Variants in RARB observed in about 807,000 individuals in gnomAD.
RARB encodes HBV-activated protein.
RARB carries 17 observed loss-of-function variants against 51.9 expected under a neutral mutation model. That is an observed-to-expected ratio of 0.33 (90% CI 0.22 to 0.49). RARB has a LOEUF of 0.49. RARB is among the 20% of genes least tolerant of loss of function. The pLI is 0.99. For synonymous variants in RARB, 215 were observed against 195.4 expected (o/e 1.10, Z -0.84); for missense variants, 369 against 550.8 (o/e 0.67, Z 3.30).
chr3:25,285,777 T>A (rs1006392424), intron 5 of RARB, among the ~76,000 whole-genome samples: 23 of 152,212 alleles, frequency 1.5e-4, no homozygotes, highest in African/African-American at 5.5e-4. Context: ...CCAGAGTTGA[T>A]GGCAAAGCCA....
upstream of RARB, among the ~76,000 whole-genome samples, chr3:25,423,543 T>A (rs1707914760): frequency 1.3e-5 from 2 of 152,226 alleles, no homozygotes; most frequent in South Asian, 2.1e-4. Flanking sequence ...AATATACAGA[T>A]CTATGCCAAG....
intron 2 of RARB, among the ~76,000 whole-genome samples, chr3:25,021,117 T>A (rs1340437495): frequency 6.6e-6 from 1 of 152,244 alleles, no homozygotes; most frequent in Admixed American, 6.5e-5. Flanking sequence ...TGGTGAACGC[T>A]GTTGTAAAAG....
Position 25,048,550 on chromosome 3 carries a change from A to C in RARB, c.-379-11575A>C, listed in dbSNP as rs546515963. The stretch of plus-strand genomic sequence containing the variant: ...CAAGTTGTTTTCTAAAAATATTTAT[A>C]ATTGTGTCTACATTTCTGGGACATT... On this transcript the variant is annotated intron_variant, in intron 2 of 11. Coordinates refer to the RARB transcript ENST00000383772. Among the ~76,000 whole-genome samples the C allele has an allele frequency of 2.0e-5, 3 of 152,276 alleles. No homozygotes were observed. In the East Asian group the frequency reaches 5.8e-4, roughly 29 times the overall value.
At chr3:24,934,934 A>T (rs982013824) in intron 2 of RARB, among the ~76,000 whole-genome samples, 2 of 152,114 alleles carry the variant, frequency 1.3e-5, no homozygotes, top group East Asian at 1.9e-4. Context: ...TACCATGGGG[A>T]TGTGACAGAA....
intron 2 of RARB, among the ~76,000 whole-genome samples, chr3:24,905,439 G>A (rs1694841272): frequency 1.3e-5 from 2 of 152,134 alleles, no homozygotes; most frequent in African/African-American, 4.8e-5. Context: ...TCATCCTTCT[G>A]TTCCACTAAC....
At chr3:25,464,311 T>C (rs1431310019) in intron 2 of RARB, among the ~76,000 whole-genome samples, 1 of 152,178 alleles carries the variant, frequency 6.6e-6, no homozygotes, top group Non-Finnish European at 1.5e-5. Flanking sequence ...GTGAGTTCTC[T>C]GAGCTTAGTT....
chr3:24,871,303 G>A (rs1255349798), intron 2 of RARB, among the ~76,000 whole-genome samples: 3 of 152,056 alleles, frequency 2.0e-5, no homozygotes, highest in Non-Finnish European at 2.9e-5. Flanking sequence ...ATATTGAGAC[G>A]ACATAGTTTT....
intron 2 of RARB, among the ~76,000 whole-genome samples, chr3:24,928,319 A>T (rs1203021135): frequency 6.6e-6 from 1 of 151,946 alleles, no homozygotes; most frequent in East Asian, 1.9e-4. Flanking sequence ...TGATTCATCT[A>T]TTGTGTACCA....
At chr3:25,418,868 A>G (rs943615352) in intron 5 of RARB, among the ~76,000 whole-genome samples, 8 of 151,786 alleles carry the variant, frequency 5.3e-5, no homozygotes, top group African/African-American at 1.9e-4. Flanking sequence ...GTCAGTTACT[A>G]TAGGGAATGA....
intron 5 of RARB, among the ~76,000 whole-genome samples, chr3:25,281,311 C>A (rs1275667654): frequency 6.6e-6 from 1 of 152,154 alleles, no homozygotes; most frequent in African/African-American, 2.4e-5. Context: ...ACTTTGTAGA[C>A]TTTCATTCCA....
At chr3:25,565,513 C>T (rs188790509) in intron 3 of RARB, among the ~76,000 whole-genome samples, 51 of 152,210 alleles carry the variant, frequency 3.4e-4, no homozygotes, top group African/African-American at 8.7e-4. Flanking sequence ...AGTTTTTGCT[C>T]CATGGTAGCA....
chr3:24,863,529 A>T (rs182987315), intron 2 of RARB, among the ~76,000 whole-genome samples: 19 of 152,166 alleles, frequency 1.2e-4, no homozygotes, highest in African/African-American at 4.6e-4. Flanking sequence ...GTCAAAGATC[A>T]TGTCAGCGTA....
At chr3:25,534,919 A>T (rs1699076176) in intron 3 of RARB, among the ~76,000 whole-genome samples, 1 of 152,228 alleles carries the variant, frequency 6.6e-6, no homozygotes, top group African/African-American at 2.4e-5. Flanking sequence ...CAGATGTGTC[A>T]TTCTGAAGCC....
At chr3:25,381,927 A>G (rs969618680) in intron 5 of RARB, among the ~76,000 whole-genome samples, 15 of 152,192 alleles carry the variant, frequency 9.9e-5, no homozygotes, top group African/African-American at 3.4e-4. Context: ...CATTCAGAAT[A>G]TAGAATGTAG....
intron 3 of RARB, among the ~76,000 whole-genome samples, chr3:25,131,805 A>C (rs775226022): frequency 6.6e-6 from 1 of 151,788 alleles, no homozygotes; most frequent in Non-Finnish European, 1.5e-5. Flanking sequence ...CCCACTCCCA[A>C]CCCCTCCCCA....
intron 3 of RARB, among the ~76,000 whole-genome samples, chr3:25,558,428 T>G (rs943034993): frequency 6.6e-6 from 1 of 152,078 alleles, no homozygotes; most frequent in Non-Finnish European, 1.5e-5. Context: ...GTTTCTGCGG[T>G]TTTTTATTCC....
chr3:25,336,427 G>T (rs1253012966), intron 5 of RARB, among the ~76,000 whole-genome samples: 1 of 152,054 alleles, frequency 6.6e-6, no homozygotes, highest in Non-Finnish European at 1.5e-5. Flanking sequence ...TTAATAAAAT[G>T]TATTTTATTC....
At chr3:24,963,523 CTAT>C (rs1696186034) in intron 2 of RARB, among the ~76,000 whole-genome samples, 1 of 150,710 alleles carries the variant, frequency 6.6e-6, no homozygotes, top group Non-Finnish European at 1.5e-5. Flanking sequence ...TACATTATGG[CTAT>C]TATTTGCTTA....
At chr3:24,914,676 G>A (rs1695068996) in intron 2 of RARB, among the ~76,000 whole-genome samples, 1 of 152,052 alleles carries the variant, frequency 6.6e-6, no homozygotes, top group African/African-American at 2.4e-5. Context: ...CTATATAATA[G>A]TTGTTACACT....
Sources: gnomAD v4.1 joint callset for allele counts (sites outside exome capture counted in the v4.1 genomes callset) on GRCh38, gnomAD v4.1.1 for gene constraint, MANE v1.5 for transcripts, NCBI Gene and HGNC (gene_info 2026-07-23, HGNC 2026-07-21) for gene names.